DPY19L3: variants seen among roughly 807,000 people sequenced by gnomAD.
The protein encoded by DPY19L3 is protein C-mannosyl-transferase DPY19L3.
Under a neutral mutation model 92.3 loss-of-function variants are expected in DPY19L3, and 51 were observed. The ratio of observed to expected loss-of-function variants is 0.55; its 90% CI spans 0.44 to 0.70. The LOEUF (loss-of-function observed/expected upper bound fraction) is 0.70, where lower values mean the gene tolerates loss of function less well. Among genes scored for constraint, DPY19L3 ranks in the 30% least tolerant of loss-of-function variants. DPY19L3 has a pLI of 0.00. For synonymous variants in DPY19L3, 309 were observed against 315.2 expected, an observed-to-expected ratio of 0.98 and a Z score of 0.21; for missense variants, 706 against 855.9, an observed-to-expected ratio of 0.82 and a Z score of 2.18.
chr19:32,409,108 C>T (rs1338563864), intron 2 of DPY19L3, among the ~76,000 whole-genome samples: 1 of 152,220 alleles, frequency 6.6e-6, no homozygotes, highest in East Asian at 1.9e-4. Flanking sequence ...GAGGTCATGA[C>T]ACCTGGCTCA....
intron 7 of DPY19L3, among the ~76,000 whole-genome samples, 200 bp downstream of exon 7, chr19:32,439,435 A>G (rs1178116572): frequency 6.6e-6 from 1 of 152,188 alleles, no homozygotes; most frequent in Non-Finnish European, 1.5e-5. Context: ...TTTGATGTTA[A>G]AAATGTACTC....
At chr19:32,464,458 G>A (rs901799339) in intron 14 of DPY19L3, among the ~76,000 whole-genome samples, 16 of 152,280 alleles carry the variant, frequency 1.1e-4, no homozygotes, top group African/African-American at 3.6e-4. Flanking sequence ...CAGTTATTCT[G>A]CATATTGGAG....
At chr19:32,421,789 G>A (rs1041744750) in intron 3 of DPY19L3, among the ~76,000 whole-genome samples, 7 of 152,014 alleles carry the variant, frequency 4.6e-5, no homozygotes, top group African/African-American at 1.7e-4. Flanking sequence ...AGTGGCAGCC[G>A]CTATCTTGGA....
At chr19:32,445,440 CAAA>C (rs71336904) in intron 8 of DPY19L3, among the ~76,000 whole-genome samples, 685 of 42,810 alleles carry the variant, frequency 0.016, 7 homozygotes, top group Admixed American at 0.066. Context: ...GACTTCATCT[CAAA>C]AAAAAAAAAA....
In DPY19L3 at chr19:32,482,157, A is replaced by G. The variant is rs1457082807; in HGVS notation, c.2068A>G (p.Asn690Asp). ...HPRFCEEIKR[N>D]LPPYVAYFTR... Reference sequence around the variant, plus strand: ...TCGCTTCTGTGAAGAGATCAAAAGAAACCTGCCTCCCTACGTGGCCTACTT... The same window carrying G: ...TCGCTTCTGTGAAGAGATCAAAAGAGACCTGCCTCCCTACGTGGCCTACTT... The change falls in exon 19 of 19, where the codon AAC (asparagine) becomes GAC (aspartate). Residue 690 changes from asparagine (N) to aspartate (D), a missense_variant. Physicochemically the swap from Asn to Asp is conservative, Grantham distance 23. Transcript: ENST00000392250. The G allele has an allele frequency of 9.3e-6, 15 of 1,613,792 alleles. No homozygotes were observed. The Admixed American group carries it at 2.5e-4, about 27-fold the overall frequency.
chr19:32,437,475 T>C, intron 6 of DPY19L3, 136 bp downstream of exon 6: 1 of 976,368 alleles, frequency 1.0e-6, no homozygotes, highest in Non-Finnish European at 1.5e-6. Context: ...TGCCTGGTGG[T>C]TTACTCAATT....
intron 15 of DPY19L3, chr19:32,467,835 A>G (rs1970243210): frequency 2.0e-6 from 2 of 981,828 alleles, no homozygotes; most frequent in South Asian, 4.7e-5. Flanking sequence ...TGTTGAATTA[A>G]ATGGACTTAA....
chr19:32,437,492 A>T (rs1335332222), intron 6 of DPY19L3, among the ~76,000 whole-genome samples, 153 bp downstream of exon 6: 1 of 152,072 alleles, frequency 6.6e-6, no homozygotes, highest in African/African-American at 2.4e-5. Context: ...AATTTTTCTT[A>T]TTTAGTTAGG....
rs1970167686 is a variant in DPY19L3 at position 32,465,310 on chromosome 19, A to G, written c.1614+526A>G. On this transcript the variant is annotated intron_variant, in intron 15 of 18. Transcript: ENST00000392250. ...CATATTCTCATTTGACTAGTTTCTGAAACAGCATGAACTGCCCTTTAATTC... is the reference window on the plus strand; with the variant it reads ...CATATTCTCATTTGACTAGTTTCTGGAACAGCATGAACTGCCCTTTAATTC... Among the ~76,000 whole-genome samples, 4 of 152,204 alleles carry G rather than the reference A, an allele frequency of 2.6e-5. No homozygotes were observed. The South Asian group carries it at 8.3e-4, about 32-fold the overall frequency.
At chr19:32,449,819 A>C (rs1969638585) in intron 8 of DPY19L3, among the ~76,000 whole-genome samples, 1 of 152,222 alleles carries the variant, frequency 6.6e-6, no homozygotes. Flanking sequence ...TTTTAGAAGA[A>C]AACATAGTAA....
At position 32,452,860 on chromosome 19, in the gene DPY19L3, ATT is replaced by A. The variant is rs55722260; in HGVS notation, c.856-269_856-268del. On this transcript the variant is annotated intron_variant, in intron 8 of 18. Coordinates refer to ENST00000392250, the MANE Select transcript of DPY19L3 (RefSeq NM_001172774.2). ...AGGCACGAGCCACCACGCCTAGCTA[ATT>A]TTTTTTTTTTTTTTTGTATTTTTAA... Among the ~76,000 whole-genome samples, 1,175 of 139,378 alleles carry A rather than the reference ATT, an allele frequency of 8.4e-3. 7 individuals carry two copies. The highest frequency in any genetic ancestry group is 0.04 in the Middle Eastern group (11 of 274). The allele number at this position is 139,378 out of a possible 152,430, so 91.4% of individuals were successfully genotyped here.
intron 3 of DPY19L3, among the ~76,000 whole-genome samples, chr19:32,420,851 T>G (rs1968545425): frequency 6.6e-6 from 1 of 152,220 alleles, no homozygotes; most frequent in South Asian, 2.1e-4. Context: ...GTAACAATGA[T>G]GAAAAATTTT....
chr19:32,410,681 G>A (rs1280941153), intron 2 of DPY19L3, among the ~76,000 whole-genome samples: 1 of 152,208 alleles, frequency 6.6e-6, no homozygotes. Flanking sequence ...TACTCAGGAG[G>A]CTGAGGTGGG....
chr19:32,470,803 T>TTTTTTTTTTTTTA (rs1970335479), intron 16 of DPY19L3, among the ~76,000 whole-genome samples: 1 of 146,898 alleles, frequency 6.8e-6, no homozygotes, highest in Non-Finnish European at 1.5e-5. Flanking sequence ...TTTTTTTTTT[T>TTTTTTTTTTTTTA]GTAATTCTCA....
chr19:32,414,604 AAAG>A (rs1968315230), intron 3 of DPY19L3, among the ~76,000 whole-genome samples: 1 of 152,228 alleles, frequency 6.6e-6, no homozygotes, highest in South Asian at 2.1e-4. Context: ...AAAAAAAAAA[AAAG>A]AAAGCTTGTA....
intron 4 of DPY19L3, 60 bp downstream of exon 4, chr19:32,432,866 G>A: frequency 6.9e-7 from 1 of 1,458,500 alleles, no homozygotes; most frequent in Non-Finnish European, 9.6e-7. Context: ...ATTTTAGTGA[G>A]AAGTACTGTG....
chr19:32,443,237 G>T (rs1969379097), intron 8 of DPY19L3, among the ~76,000 whole-genome samples: 1 of 152,204 alleles, frequency 6.6e-6, no homozygotes, highest in Non-Finnish European at 1.5e-5. Context: ...TACACCTTCT[G>T]CTGACCCCCA....
At chr19:32,453,908 T>A (rs1305551647) in intron 9 of DPY19L3, among the ~76,000 whole-genome samples, 1 of 152,184 alleles carries the variant, frequency 6.6e-6, no homozygotes, top group African/African-American at 2.4e-5. Context: ...ATGAGTCATT[T>A]GTTTTTGCTT....
intron 2 of DPY19L3, among the ~76,000 whole-genome samples, chr19:32,408,795 C>CTT (rs879308053): frequency 2.2e-5 from 3 of 137,362 alleles, no homozygotes; most frequent in Admixed American, 7.3e-5. Flanking sequence ...TTTTCTTTTG[C>CTT]TTTTTTTTTT....
Sources: gnomAD v4.1 joint callset for allele counts (sites outside exome capture counted in the v4.1 genomes callset) on GRCh38, gnomAD v4.1.1 for gene constraint, MANE v1.5 for transcripts, NCBI Gene and HGNC (gene_info 2026-07-23, HGNC 2026-07-21) for gene names.